MME: variants seen among roughly 807,000 people sequenced by gnomAD.
MME encodes neprilysin.
A neutral mutation model predicts 113.2 loss-of-function variants in MME; 98 were observed. The ratio of observed to expected loss-of-function variants is 0.87; its 90% CI spans 0.74 to 1.02. The LOEUF (loss-of-function observed/expected upper bound fraction) is 1.02, where lower values mean the gene tolerates loss of function less well. Ranked by LOEUF, MME falls within the 50% of genes least tolerant of loss-of-function variation. MME has a pLI of 0.00. For synonymous variants in MME, 292 were observed against 300.6 expected, an observed-to-expected ratio of 0.97 and a Z score of 0.30; for missense variants, 836 against 896.0, an observed-to-expected ratio of 0.93 and a Z score of 0.86.
Position 155,116,514 on chromosome 3 carries a change from G to T in MME, c.394G>T (p.Ala132Ser). Residue 132 changes from alanine to serine, a missense_variant, in exon 5 of 23, where the codon GCA becomes TCA. Transcript: ENST00000360490. ...AGAACCCAAAACTGAAGATATAGTA[G>T]CAGTGCAGAAAGCAAAAGCATTGTA... ...LQEPKTEDIV[A>S]VQKAKALYRS... The T allele has an allele frequency of 1.2e-6, 2 of 1,612,834 alleles. No homozygotes were observed. The highest frequency in any genetic ancestry group is 1.7e-5 in the Admixed American group (1 of 59,944).
At position 155,116,555 on chromosome 3, in the gene MME, T is replaced by C; in HGVS notation, c.435T>C (p.Asn145=). ...KAKALYRSCI[N]ESAIDSRGGE... ...AAGCATTGTACAGGTCTTGTATAAA[T>C]GAATGTAAGTGCTCTTCATTTGATT... The change falls in exon 5 of 23, where the codon AAT becomes AAC. Residue 145 remains asparagine, a synonymous_variant. Coordinates refer to ENST00000360490, the MANE Select transcript of MME (RefSeq NM_007289.4). 6.2e-7 allele frequency: 1 copy of C among 1,602,686 alleles called. No homozygotes were observed. Among genetic ancestry groups the C allele is most frequent in the South Asian group, 1.1e-5 (1 of 90,752 alleles).
intron 3 of MME, among the ~76,000 whole-genome samples, chr3:155,089,060 G>A (rs938186066): frequency 6.6e-6 from 1 of 152,138 alleles, no homozygotes; most frequent in Admixed American, 6.5e-5. Context: ...AAATATTTAT[G>A]ATGTACATAA....
chr3:155,136,486 G>A (rs1348132752), intron 8 of MME, among the ~76,000 whole-genome samples: 1 of 152,084 alleles, frequency 6.6e-6, no homozygotes, highest in Non-Finnish European at 1.5e-5. Context: ...TTGTTCTATT[G>A]AGTAGCAAAT....
At chr3:155,096,587 A>G (rs1301179308) in intron 3 of MME, among the ~76,000 whole-genome samples, 1 of 152,218 alleles carries the variant, frequency 6.6e-6, no homozygotes, top group African/African-American at 2.4e-5. Context: ...TATCAGAATT[A>G]TTGAGAAAGA....
intron 1 of MME, among the ~76,000 whole-genome samples, chr3:155,037,506 T>C (rs896559648): frequency 7.9e-5 from 12 of 152,034 alleles, no homozygotes; most frequent in Admixed American, 7.2e-4. Flanking sequence ...GCTGAAGACA[T>C]CATTGTACAG....
At chr3:155,036,902 CAA>C (rs1713147492) in intron 1 of MME, among the ~76,000 whole-genome samples, 1 of 152,126 alleles carries the variant, frequency 6.6e-6, no homozygotes, top group African/African-American at 2.4e-5. Flanking sequence ...TGATTCATTT[CAA>C]GTTAGTTTTT....
intron 8 of MME, among the ~76,000 whole-genome samples, chr3:155,126,009 T>C (rs58561981): frequency 0.015 from 2,299 of 152,348 alleles, 66 homozygotes; most frequent in African/African-American, 0.052. Flanking sequence ...ATTATGAAGT[T>C]CGAATAACAT....
chr3:155,059,663 T>C (rs1171302810), intron 1 of MME, among the ~76,000 whole-genome samples: 1 of 152,124 alleles, frequency 6.6e-6, no homozygotes, highest in Non-Finnish European at 1.5e-5. Context: ...TCTGAGATAA[T>C]TTACTAGAAA....
At position 155,180,780 on chromosome 3, in the gene MME, C is replaced by A. The variant is rs200945080; in HGVS notation, c.*321C>A. The A allele has an allele frequency of 2.7e-5, 8 of 301,374 alleles. No individual in the cohort carries two copies. Among genetic ancestry groups the A allele is most frequent in the African/African-American group, 1.3e-4 (6 of 46,408 alleles). 18.7% of individuals were successfully genotyped at this position (301,374 alleles called of 1,614,324 possible). A position where few individuals can be genotyped will look rare whatever the true frequency, so the allele number is the denominator to read the frequency against. ...ATGTCCCTAGAAAACAATGCAAAAC[C>A]TTTGAGGTAGACCAGGATTTCTAAT... On this transcript the variant is annotated 3_prime_UTR_variant, in exon 23 of 23. Coordinates refer to ENST00000360490, the MANE Select transcript of MME (RefSeq NM_007289.4).
rs116066450 is a variant in MME at position 155,043,005 on chromosome 3, C to T, written c.-11+18681C>T. Among the ~76,000 whole-genome samples, 775 of 136,962 alleles carry T rather than the reference C, an allele frequency of 5.7e-3. 5 individuals carry two copies. Among genetic ancestry groups the T allele is most frequent in the African/African-American group, 0.02 (750 of 37,360 alleles). 89.9% of individuals were successfully genotyped at this position (136,962 alleles called of 152,430 possible). On this transcript the variant is annotated intron_variant, in intron 1 of 22. Transcript: ENST00000492661. ...AATCACCATTTGTAGGTTATGAACACTTTTCCAAGATACTCACATTTTTTT... is the reference window on the plus strand; with the variant it reads ...AATCACCATTTGTAGGTTATGAACATTTTTCCAAGATACTCACATTTTTTT...
Position 155,064,314 on chromosome 3 carries a change from T to C in MME, c.-10-19844T>C, listed in dbSNP as rs145458981. On this transcript the variant is annotated intron_variant, in intron 1 of 22. Transcript: ENST00000492661. ...AAAAAAAAATTATACATATATAATATAACAAATATATGTATATATGTAAGC... is the reference window on the plus strand; with the variant it reads ...AAAAAAAAATTATACATATATAATACAACAAATATATGTATATATGTAAGC... Among the ~76,000 whole-genome samples, 690 of 152,130 alleles carry C rather than the reference T, an allele frequency of 4.5e-3. 5 individuals carry two copies. Among genetic ancestry groups the C allele is most frequent in the East Asian group, 0.017 (88 of 5,168 alleles).
rs200955355 is a variant in MME, at chr3:155,167,029, G to T, written c.1780+8G>T. 22 of 1,613,324 alleles carry T rather than the reference G, an allele frequency of 1.4e-5. No homozygotes were observed. Among genetic ancestry groups the T allele is most frequent in the South Asian group, 4.4e-5 (4 of 91,090 alleles). ...ATGGCTTCGATGACAATGGTAAAGTGCAGTTGACATTTTCCTTTGGCTGAG... is the reference window on the plus strand; with the variant it reads ...ATGGCTTCGATGACAATGGTAAAGTTCAGTTGACATTTTCCTTTGGCTGAG... On this transcript the variant is annotated splice_region_variant and intron_variant, in intron 18 of 22. Coordinates refer to ENST00000360490, the MANE Select transcript of MME (RefSeq NM_007289.4).
Position 155,168,861 on chromosome 3 carries a change from A to G in MME, c.1980+64A>G, listed in dbSNP as rs959279016. Reference sequence around the variant, plus strand: ...GAGTGTTTCTCATATTTAATAATTCATTTAAAACCTTTTGCAAAAAAAGAA... The same window carrying G: ...GAGTGTTTCTCATATTTAATAATTCGTTTAAAACCTTTTGCAAAAAAAGAA... On this transcript the variant is annotated intron_variant, in intron 20 of 22. Coordinates refer to ENST00000360490, the MANE Select transcript of MME (RefSeq NM_007289.4). 9 of 1,406,070 alleles carry G rather than the reference A, an allele frequency of 6.4e-6. No individual in the cohort carries two copies. The African/African-American group carries it at 1.0e-4, about 16-fold the overall frequency. The allele number at this position is 1,406,070 out of a possible 1,614,324, so 87.1% of individuals were successfully genotyped here. A position where few individuals can be genotyped will look rare whatever the true frequency, so the allele number is the denominator to read the frequency against.
At chr3:155,170,993 A>T (rs1711876240) in intron 20 of MME, among the ~76,000 whole-genome samples, 1 of 152,296 alleles carries the variant, frequency 6.6e-6, no homozygotes, top group African/African-American at 2.4e-5. Context: ...AGTTAAATCC[A>T]GTCCCTATCA....
chr3:155,172,016 A>C, intron 20 of MME, 101 bp from the exon 21 acceptor site: 1 of 724,732 alleles, frequency 1.4e-6, no homozygotes, highest in South Asian at 1.6e-5. Flanking sequence ...GGGTGATTTT[A>C]ACATAAAATG....
At chr3:155,062,179 C>T (rs980104709) in intron 1 of MME, among the ~76,000 whole-genome samples, 7 of 152,230 alleles carry the variant, frequency 4.6e-5, no homozygotes, top group African/African-American at 1.7e-4. Flanking sequence ...TATTGTTTTA[C>T]ATATTTAATA....
At chr3:155,148,839 A>G (rs1559951365) in intron 16 of MME, among the ~76,000 whole-genome samples, 186 bp downstream of exon 16, 2 of 152,180 alleles carry the variant, frequency 1.3e-5, no homozygotes, top group Non-Finnish European at 2.9e-5. Context: ...CTTTAACCAG[A>G]TTAAAATACC....
chr3:155,069,693 A>G (rs1409746905), intron 1 of MME, among the ~76,000 whole-genome samples: 2 of 152,222 alleles, frequency 1.3e-5, no homozygotes, highest in African/African-American at 4.8e-5. Context: ...CTACTTAAAT[A>G]GTGACTGGAG....
At chr3:155,175,053 G>A (rs1010676627) in intron 22 of MME, among the ~76,000 whole-genome samples, 5 of 151,280 alleles carry the variant, frequency 3.3e-5, no homozygotes, top group Non-Finnish European at 4.4e-5. Context: ...TTAACCACTG[G>A]ATTAAAAATT....
Sources: gnomAD v4.1 joint callset for allele counts (sites outside exome capture counted in the v4.1 genomes callset) on GRCh38, gnomAD v4.1.1 for gene constraint, MANE v1.5 for transcripts, NCBI Gene and HGNC (gene_info 2026-07-23, HGNC 2026-07-21) for gene names.